WDFY2: variants seen among roughly 807,000 people sequenced by gnomAD.
WDFY2 encodes the protein WD repeat and FYVE domain-containing protein 2.
Under a neutral mutation model 56.4 loss-of-function variants are expected in WDFY2, and 36 were observed. The observed-to-expected ratio is 0.64, with a 90% CI of 0.49 to 0.84. The LOEUF (loss-of-function observed/expected upper bound fraction) is 0.84, where lower values mean the gene tolerates loss of function less well. Among genes scored for constraint, WDFY2 ranks in the 40% least tolerant of loss-of-function variants. WDFY2 has a pLI of 0.00. For synonymous variants in WDFY2, 176 were observed against 183.7 expected (o/e 0.96, Z 0.34); for missense variants, 444 against 512.2 (o/e 0.87, Z 1.29).
At chr13:51,699,717 A>G (rs945921425) in intron 3 of WDFY2, among the ~76,000 whole-genome samples, 1 of 152,226 alleles carries the variant, frequency 6.6e-6, no homozygotes, top group Non-Finnish European at 1.5e-5. Context: ...AAGCTGTCAA[A>G]TGAAGATGGG....
chr13:51,652,287 C>T (rs1036455088), intron 1 of WDFY2, among the ~76,000 whole-genome samples: 2 of 152,224 alleles, frequency 1.3e-5, no homozygotes, highest in Middle Eastern at 3.4e-3. Flanking sequence ...TTATTTTGAG[C>T]CTATGTGTGT....
At chr13:51,716,319 A>G (rs1952344707) in intron 4 of WDFY2, among the ~76,000 whole-genome samples, 1 of 152,362 alleles carries the variant, frequency 6.6e-6, no homozygotes, top group South Asian at 2.1e-4. Flanking sequence ...TAACTAATAA[A>G]CAGTGAATTA....
chr13:51,625,101 G>A (rs959709618), intron 1 of WDFY2, among the ~76,000 whole-genome samples: 2 of 152,202 alleles, frequency 1.3e-5, no homozygotes, highest in African/African-American at 4.8e-5. Context: ...GGTGGGGTGG[G>A]TGAGGCCAGA....
intron 1 of WDFY2, among the ~76,000 whole-genome samples, chr13:51,641,817 C>T (rs1228616392): frequency 1.8e-5 from 2 of 111,860 alleles, no homozygotes; most frequent in African/African-American, 7.3e-5. Flanking sequence ...CAGAGCGAGA[C>T]TCCGTCTCAA....
At chr13:51,586,160 A>AT (rs773756377) in intron 1 of WDFY2, 19 of 398,056 alleles carry the variant, frequency 4.8e-5, no homozygotes, top group Non-Finnish European at 7.1e-5. Context: ...AGAAAGTTTG[A>AT]TTTTTTCCAT....
intron 1 of WDFY2, among the ~76,000 whole-genome samples, chr13:51,621,668 C>T (rs1371678280): frequency 6.6e-6 from 1 of 152,150 alleles, no homozygotes; most frequent in African/African-American, 2.4e-5. Context: ...GTGGCGACTG[C>T]CTCACCTCTC....
chr13:51,705,871 CATTTT>C (rs1952072523), intron 4 of WDFY2, among the ~76,000 whole-genome samples: 2 of 152,212 alleles, frequency 1.3e-5, no homozygotes, highest in South Asian at 4.1e-4. Context: ...TTCACAATCT[CATTTT>C]ATTTAGCCCA....
At chr13:51,633,678 T>C (rs1406997779) in intron 1 of WDFY2, among the ~76,000 whole-genome samples, 1 of 152,150 alleles carries the variant, frequency 6.6e-6, no homozygotes, top group Admixed American at 6.5e-5. Context: ...GTTGGATCAT[T>C]TTAGCAAGAA....
intron 1 of WDFY2, among the ~76,000 whole-genome samples, chr13:51,650,947 T>G (rs1010852164): frequency 6.6e-6 from 1 of 152,228 alleles, no homozygotes; most frequent in Non-Finnish European, 1.5e-5. Flanking sequence ...TTAGGGAGGA[T>G]TCCCTCTTTT....
intron 11 of WDFY2, among the ~76,000 whole-genome samples, chr13:51,759,334 A>T (rs1403500265): frequency 1.3e-5 from 2 of 152,212 alleles, no homozygotes; most frequent in African/African-American, 4.8e-5. Context: ...TATTTAATGG[A>T]TTCAATCTAT....
intron 1 of WDFY2, among the ~76,000 whole-genome samples, chr13:51,646,425 G>A (rs1955263825): frequency 1.3e-5 from 2 of 152,222 alleles, no homozygotes; most frequent in Admixed American, 1.3e-4. Context: ...TCTGTAGTCA[G>A]AGTTAGATGC....
intron 3 of WDFY2, among the ~76,000 whole-genome samples, chr13:51,684,536 T>A (rs544106081): frequency 2.2e-4 from 33 of 152,232 alleles, no homozygotes; most frequent in African/African-American, 7.9e-4. Flanking sequence ...ATCCTATACC[T>A]ACAGTTCTCA....
At chr13:51,620,592 G>C (rs1954706651) in intron 1 of WDFY2, among the ~76,000 whole-genome samples, 1 of 152,018 alleles carries the variant, frequency 6.6e-6, no homozygotes, top group Non-Finnish European at 1.5e-5. Flanking sequence ...GTCTGCACCT[G>C]CTCACTCCCA....
chr13:51,698,819 A>G (rs537879567), intron 3 of WDFY2, among the ~76,000 whole-genome samples: 3 of 152,376 alleles, frequency 2.0e-5, no homozygotes, highest in East Asian at 1.9e-4. Context: ...AGTAAAAAAA[A>G]TAAAACATTT....
At chr13:51,723,777 G>A (rs1162336058) in intron 5 of WDFY2, among the ~76,000 whole-genome samples, 3 of 152,148 alleles carry the variant, frequency 2.0e-5, no homozygotes, top group East Asian at 1.9e-4. Context: ...CTGCAGCGCC[G>A]TCCTCCATAC....
At chr13:51,687,542 A>T (rs1227213697) in intron 3 of WDFY2, among the ~76,000 whole-genome samples, 1 of 151,938 alleles carries the variant, frequency 6.6e-6, no homozygotes, top group Admixed American at 6.6e-5. Context: ...TTTAAGGCAG[A>T]GTAACAGTCA....
At chr13:51,675,105 A>G in intron 2 of WDFY2, 65 bp from the exon 3 acceptor site, 2 of 1,465,316 alleles carry the variant, frequency 1.4e-6, no homozygotes, top group Non-Finnish European at 1.9e-6. Flanking sequence ...TTAGCTAGTT[A>G]GGCACTCCTG....
chr13:51,751,361 C>T lies in WDFY2; in HGVS notation c.777C>T (p.Ser259=). 6.2e-7 allele frequency: 1 copy of T among 1,614,070 alleles called. No homozygotes were observed. Among genetic ancestry groups the T allele is most frequent in the Non-Finnish European group, 8.5e-7 (1 of 1,179,960 alleles). The part of the protein sequence containing the change: ...SYAQHTRQLI[S]CGGDGGIVVW... ...CACAGCACACGCGACAATTGATCTC[C>T]TGTGGCGGTGATGGTGGGATTGTCG... Residue 259 remains serine (S), a synonymous_variant, in exon 8 of 12, where the codon TCC becomes TCT. Coordinates refer to ENST00000298125, the MANE Select transcript of WDFY2 (RefSeq NM_052950.4).
At chr13:51,678,676 C>T (rs1955927049) in intron 3 of WDFY2, among the ~76,000 whole-genome samples, 3 of 152,158 alleles carry the variant, frequency 2.0e-5, no homozygotes, top group African/African-American at 7.2e-5. Flanking sequence ...TAAATATCAA[C>T]TCTGTACAAA....
Sources: gnomAD v4.1 joint callset for allele counts (sites outside exome capture counted in the v4.1 genomes callset) on GRCh38, gnomAD v4.1.1 for gene constraint, MANE v1.5 for transcripts, NCBI Gene and HGNC (gene_info 2026-07-23, HGNC 2026-07-21) for gene names.